PTBP2: variants seen among roughly 807,000 people sequenced by gnomAD.
PTBP2 encodes the protein polypyrimidine tract-binding protein 2.
PTBP2 carries 13 observed loss-of-function variants against 61.4 expected under a neutral mutation model. The observed-to-expected ratio is 0.21, with a 90% CI of 0.14 to 0.34. The LOEUF (loss-of-function observed/expected upper bound fraction) is 0.34. PTBP2 is among the 10% of genes least tolerant of loss of function. The pLI is 1.00. For synonymous variants in PTBP2, 215 were observed against 218.5 expected (o/e 0.98, Z 0.14); for missense variants, 405 against 642.6 (o/e 0.63, Z 4.00).
At chr1:96,777,418 G>A (rs1658161089) in intron 5 of PTBP2, among the ~76,000 whole-genome samples, 167 bp from the exon 6 acceptor site, 1 of 152,104 alleles carries the variant, frequency 6.6e-6, no homozygotes, top group Non-Finnish European at 1.5e-5. Flanking sequence ...TTATTAAACA[G>A]GTAGTACCTG....
chr1:96,783,071 T>C (rs1658870187), intron 7 of PTBP2, among the ~76,000 whole-genome samples: 1 of 152,056 alleles, frequency 6.6e-6, no homozygotes, highest in African/African-American at 2.4e-5. Context: ...ACCACATTCC[T>C]GATTGCTGAA....
At chr1:96,794,284 G>A (rs1398135273) in intron 8 of PTBP2, among the ~76,000 whole-genome samples, 6 of 152,168 alleles carry the variant, frequency 3.9e-5, no homozygotes, top group Non-Finnish European at 8.8e-5. Context: ...TCTGCATAAA[G>A]ATAGGTTTAA....
intron 8 of PTBP2, among the ~76,000 whole-genome samples, chr1:96,802,648 G>A (rs977813576): frequency 6.6e-6 from 1 of 152,044 alleles, no homozygotes; most frequent in African/African-American, 2.4e-5. Context: ...TGTTAAAAAG[G>A]GAATTTGAGG....
At position 96,724,397 on chromosome 1, in the gene PTBP2, C is replaced by T. The variant is rs551316883; in HGVS notation, c.39+803C>T. Among the ~76,000 whole-genome samples, 18 of 151,950 alleles carry T rather than the reference C, an allele frequency of 1.2e-4. No individual in the cohort carries two copies. The South Asian group carries it at 2.3e-3, about 19-fold the overall frequency. On this transcript the variant is annotated intron_variant, in intron 2 of 13. Transcript: ENST00000674951. ...TCCTGAGTAGCTGGGATTACAGGTGCGCACCACCACGCCCAGCTAATTTGT... is the reference window on the plus strand; with the variant it reads ...TCCTGAGTAGCTGGGATTACAGGTGTGCACCACCACGCCCAGCTAATTTGT...
intron 7 of PTBP2, among the ~76,000 whole-genome samples, chr1:96,780,511 T>G (rs1358768610): frequency 6.6e-6 from 1 of 152,138 alleles, no homozygotes; most frequent in East Asian, 1.9e-4. Context: ...AGTAGCTAAA[T>G]GCTAGTGATA....
At chr1:96,812,645 G>C in intron 11 of PTBP2, 67 bp from the exon 12 acceptor site, 1 of 1,268,320 alleles carries the variant, frequency 7.9e-7, no homozygotes, top group Non-Finnish European at 1.1e-6. Flanking sequence ...AAACTGTTAC[G>C]TTAAAAGAAT....
intron 5 of PTBP2, among the ~76,000 whole-genome samples, chr1:96,773,144 AAAG>A (rs1553180920): frequency 7.2e-6 from 1 of 139,348 alleles, no homozygotes; most frequent in African/African-American, 2.5e-5. Flanking sequence ...AAAAAAAAAA[AAAG>A]AGTAAAGCTG....
At chr1:96,754,156 G>A (rs1283133510) in intron 3 of PTBP2, among the ~76,000 whole-genome samples, 2 of 151,834 alleles carry the variant, frequency 1.3e-5, no homozygotes, top group Non-Finnish European at 2.9e-5. Context: ...AAACAGCTGC[G>A]AAAAAAACGT....
chr1:96,782,836 G>A (rs1658838413), intron 7 of PTBP2, among the ~76,000 whole-genome samples: 1 of 151,982 alleles, frequency 6.6e-6, no homozygotes, highest in African/African-American at 2.4e-5. Context: ...CAGTCCATAT[G>A]CAGTGTTTCA....
chr1:96,755,032 A>C (rs950332327), intron 3 of PTBP2, among the ~76,000 whole-genome samples: 1 of 152,248 alleles, frequency 6.6e-6, no homozygotes, highest in African/African-American at 2.4e-5. Flanking sequence ...ATTCAAAAGA[A>C]ACTGCTAGGG....
chr1:96,775,750 A>G (rs982534946), intron 5 of PTBP2, among the ~76,000 whole-genome samples: 2 of 152,114 alleles, frequency 1.3e-5, no homozygotes, highest in African/African-American at 4.8e-5. Flanking sequence ...GCAAGCCAAC[A>G]CTGCTCCATG....
intron 3 of PTBP2, among the ~76,000 whole-genome samples, chr1:96,768,483 T>C (rs760736614): frequency 4.6e-5 from 7 of 152,018 alleles, no homozygotes; most frequent in Non-Finnish European, 8.8e-5. Flanking sequence ...GGAGTATACA[T>C]GTATATTTCT....
In PTBP2 at chr1:96,812,884, A is replaced by G. The variant is rs1278018383; in HGVS notation, c.1344A>G (p.Gln448=). 2 of 1,613,928 alleles carry G rather than the reference A, an allele frequency of 1.2e-6. No homozygotes were observed. The change falls in exon 12 of 14, where the codon CAA becomes CAG. Residue 448 remains glutamine (Q), a synonymous_variant. Transcript: ENST00000674951. ...AGAAACCTGGATCCAAAAATTTTCA[A>G]AACATTTTTCCTCCTTCTGCCACCC... The part of the protein sequence containing the change: ...RFKKPGSKNF[Q]NIFPPSATLH...
At chr1:96,790,547 T>C (rs1011279431) in intron 8 of PTBP2, among the ~76,000 whole-genome samples, 3 of 152,220 alleles carry the variant, frequency 2.0e-5, no homozygotes, top group Non-Finnish European at 2.9e-5. Context: ...GCTGAAAATC[T>C]TTATAAAGTA....
At chr1:96,783,999 G>C (rs770506906) in intron 7 of PTBP2, among the ~76,000 whole-genome samples, 2 of 152,002 alleles carry the variant, frequency 1.3e-5, no homozygotes, top group African/African-American at 4.8e-5. Context: ...AAAAAAATTC[G>C]TATATTAAGA....
chr1:96,804,856 G>GCTT lies in PTBP2; in HGVS notation c.962_963insTTC (p.Ala321_Ala322insSer). 6.2e-7 allele frequency: 1 copy of GCTT among 1,611,806 alleles called. No homozygotes were observed. The highest frequency in any genetic ancestry group is 1.3e-5 in the African/African-American group (1 of 74,864). On this transcript the variant is annotated inframe_insertion, in exon 9 of 14. Coordinates refer to ENST00000674951, the MANE Select transcript of PTBP2 (RefSeq NM_021190.4). ...TCCAAATGCTGCTGCAGCAGCTGCT[G>GCTT]CAGCTGCTGCTGGCCGAGTGGGTAT...
chr1:96,809,858 G>A (rs1299582654), intron 11 of PTBP2, among the ~76,000 whole-genome samples: 1 of 151,972 alleles, frequency 6.6e-6, no homozygotes, highest in African/African-American at 2.4e-5. Context: ...AAGAATAACA[G>A]TGTTACCCCC....
rs1662646541 is a variant in PTBP2 at position 96,820,399 on chromosome 1, A to G, written c.*6994A>G. The G allele has an allele frequency of 2.6e-5, 4 of 152,142 alleles. No homozygotes were observed. In the South Asian group the frequency reaches 6.2e-4, roughly 24 times the overall value. 9.4% of individuals were successfully genotyped at this position (152,142 alleles called of 1,614,324 possible). Reference sequence around the variant, plus strand: ...AAATGCATATTCTAGCATATTTAATATATTAGGGAACAATTTAAGCATAAT... The same window carrying G: ...AAATGCATATTCTAGCATATTTAATGTATTAGGGAACAATTTAAGCATAAT... On this transcript the variant is annotated 3_prime_UTR_variant, in exon 14 of 14. Transcript: ENST00000609116.
At chr1:96,775,408 A>G (rs923676264) in intron 5 of PTBP2, among the ~76,000 whole-genome samples, 3 of 152,220 alleles carry the variant, frequency 2.0e-5, no homozygotes, top group Admixed American at 2.0e-4. Flanking sequence ...ACAGCAGCAG[A>G]ATATGTTGTG....
Sources: allele counts gnomAD v4.1 joint callset (sites outside exome capture counted in the v4.1 genomes callset), GRCh38; gene constraint gnomAD v4.1.1; transcripts MANE v1.5; gene names NCBI Gene and HGNC (gene_info 2026-07-23, HGNC 2026-07-21).